The following NALF1 variants were observed in gnomAD, a reference collection of about 807,000 sequenced individuals.
The protein encoded by NALF1 is NALCN channel auxiliary factor 1, also known as family with sequence similarity 155 member A.
NALF1 carries 3 observed loss-of-function variants against 48.4 expected under a neutral mutation model. That is an observed-to-expected ratio of 0.06 (90% confidence interval 0.03 to 0.16). The LOEUF (loss-of-function observed/expected upper bound fraction) is 0.16. NALF1 is among the 10% of genes least tolerant of loss of function. The pLI, the probability that NALF1 is intolerant of heterozygous loss-of-function variation, is 1.00. For synonymous variants in NALF1, 262 were observed against 245.7 expected (o/e 1.07, Z -0.62); for missense variants, 526 against 571.5 (o/e 0.92, Z 0.81).
At position 107,514,203 on chromosome 13, in the gene NALF1, G is replaced by C. The variant is rs1160145004; in HGVS notation, c.916-303448C>G. On this transcript the variant is annotated intron_variant, in intron 1 of 2. Coordinates refer to ENST00000375915, the MANE Select transcript of NALF1 (RefSeq NM_001080396.3). ...TTTCCCATGTATAGGTGAAATGTAC[G>C]TGTTAATAACCTTTTATTTTCCTCT... Among the ~76,000 whole-genome samples, 4 of 152,292 alleles carry C rather than the reference G, an allele frequency of 2.6e-5. No homozygotes were observed. The East Asian group carries it at 5.8e-4, about 22-fold the overall frequency.
At chr13:107,175,269 G>C (rs61965359) in intron 2 of NALF1, among the ~76,000 whole-genome samples, 5,901 of 149,188 alleles carry the variant, frequency 0.04, 158 homozygotes, top group Non-Finnish European at 0.06. Context: ...TGGGAGTAGG[G>C]AATGGGATTT....
intron 1 of NALF1, among the ~76,000 whole-genome samples, chr13:107,852,949 C>T (rs930009552): frequency 2.0e-5 from 3 of 152,164 alleles, no homozygotes; most frequent in African/African-American, 7.2e-5. Flanking sequence ...TTTGCAGCAT[C>T]CTTTCAGCCA....
At chr13:107,291,491 A>C (rs74493143) in intron 1 of NALF1, among the ~76,000 whole-genome samples, 2 of 1,812 alleles carry the variant, frequency 1.1e-3, no homozygotes, top group Non-Finnish European at 2.8e-3. Flanking sequence ...AGGTGTATAC[A>C]AAAAAAAAAA....
chr13:107,533,751 T>C (rs1196409056), intron 1 of NALF1, among the ~76,000 whole-genome samples: 1 of 152,092 alleles, frequency 6.6e-6, no homozygotes, highest in Non-Finnish European at 1.5e-5. Flanking sequence ...CCCCCAAATC[T>C]GTCTTTTGTT....
intron 1 of NALF1, among the ~76,000 whole-genome samples, chr13:107,300,541 T>A (rs1881817280): frequency 6.6e-6 from 1 of 152,226 alleles, no homozygotes; most frequent in Admixed American, 6.5e-5. Flanking sequence ...GTATACTTGT[T>A]TATTTATTGC....
intron 1 of NALF1, among the ~76,000 whole-genome samples, chr13:107,827,795 T>C (rs917888975): frequency 1.3e-5 from 2 of 152,190 alleles, no homozygotes; most frequent in African/African-American, 2.4e-5. Context: ...TCTTTGTCAA[T>C]GTAGTACTGA....
chr13:107,587,240 T>C (rs1053478618), intron 1 of NALF1, among the ~76,000 whole-genome samples: 1 of 152,104 alleles, frequency 6.6e-6, no homozygotes, highest in Non-Finnish European at 1.5e-5. Flanking sequence ...TTTCTACATA[T>C]GAACTGCAGA....
At chr13:107,283,653 TTTATTTAC>T (rs1298461633) in intron 1 of NALF1, among the ~76,000 whole-genome samples, 2,581 of 137,528 alleles carry the variant, frequency 0.019, 63 homozygotes, top group African/African-American at 0.056. Flanking sequence ...TATTTATTTA[TTTATTTAC>T]TATTTTTGTT....
At chr13:107,386,579 G>C (rs1259772340) in intron 1 of NALF1, among the ~76,000 whole-genome samples, 2 of 152,142 alleles carry the variant, frequency 1.3e-5, no homozygotes, top group Non-Finnish European at 2.9e-5. Flanking sequence ...TGCTTACCCT[G>C]GTTTTGCAGT....
At chr13:107,584,580 G>A (rs752842654) in intron 1 of NALF1, among the ~76,000 whole-genome samples, 3 of 152,160 alleles carry the variant, frequency 2.0e-5, no homozygotes, top group Non-Finnish European at 4.4e-5. Context: ...TCAAGTATCA[G>A]ATTATTCTCA....
At chr13:107,239,407 G>C (rs879516214) in intron 1 of NALF1, among the ~76,000 whole-genome samples, 1 of 152,086 alleles carries the variant, frequency 6.6e-6, no homozygotes, top group African/African-American at 2.4e-5. Flanking sequence ...TCTCCTATAC[G>C]TTTGTGTCCT....
intron 1 of NALF1, among the ~76,000 whole-genome samples, chr13:107,320,125 C>T (rs1237053155): frequency 6.6e-6 from 1 of 152,034 alleles, no homozygotes; most frequent in East Asian, 1.9e-4. Context: ...TTTTGACTTG[C>T]TAATTGTATG....
At chr13:107,216,506 T>G (rs1879875883) in intron 1 of NALF1, among the ~76,000 whole-genome samples, 1 of 152,186 alleles carries the variant, frequency 6.6e-6, no homozygotes, top group Non-Finnish European at 1.5e-5. Context: ...AGCTTCTTGA[T>G]CCCTTGTGGG....
chr13:107,256,678 A>C (rs1415500192), intron 1 of NALF1, among the ~76,000 whole-genome samples: 2 of 149,398 alleles, frequency 1.3e-5, no homozygotes, highest in East Asian at 3.9e-4. Context: ...AACAACCAAT[A>C]AAAGTTGGGA....
intron 1 of NALF1, among the ~76,000 whole-genome samples, chr13:107,493,884 C>G (rs989415171): frequency 6.6e-6 from 1 of 152,050 alleles, no homozygotes; most frequent in South Asian, 2.1e-4. Flanking sequence ...AGTGGGACTC[C>G]ATCTCTCAAA....
chr13:107,190,810 A>C (rs1241670841), intron 2 of NALF1, among the ~76,000 whole-genome samples: 1 of 152,204 alleles, frequency 6.6e-6, no homozygotes, highest in Non-Finnish European at 1.5e-5. Context: ...AATGAAAATA[A>C]AGTACTATAG....
At chr13:107,286,802 T>C (rs997026411) in intron 1 of NALF1, among the ~76,000 whole-genome samples, 4 of 152,136 alleles carry the variant, frequency 2.6e-5, no homozygotes, top group African/African-American at 9.7e-5. Flanking sequence ...CAGATACAAA[T>C]ATCCCATGTT....
chr13:107,820,298 G>T (rs1879327422), intron 1 of NALF1, among the ~76,000 whole-genome samples: 1 of 152,196 alleles, frequency 6.6e-6, no homozygotes, highest in South Asian at 2.1e-4. Flanking sequence ...TTCTTCCAAA[G>T]AAATTTTATA....
intron 1 of NALF1, among the ~76,000 whole-genome samples, chr13:107,438,520 T>C (rs1469208940): frequency 1.3e-5 from 2 of 152,014 alleles, no homozygotes; most frequent in African/African-American, 4.8e-5. Flanking sequence ...AAGAATAATA[T>C]AGGCTGGGCC....
Sources: allele counts gnomAD v4.1 joint callset (sites outside exome capture counted in the v4.1 genomes callset), GRCh38; gene constraint gnomAD v4.1.1; transcripts MANE v1.5; gene names NCBI Gene and HGNC (gene_info 2026-07-23, HGNC 2026-07-21).